The following FBLN2 variants were observed in gnomAD, a reference collection of about 807,000 sequenced individuals.
FBLN2 encodes the protein fibulin 2.
Under a neutral mutation model 123.7 loss-of-function variants are expected in FBLN2, and 81 were observed. That is an observed-to-expected ratio of 0.65 (90% confidence interval 0.55 to 0.79). FBLN2 has a LOEUF of 0.79. Ranked by LOEUF, FBLN2 falls within the 30% of genes least tolerant of loss-of-function variation. The pLI is 0.00. For synonymous variants in FBLN2, 699 were observed against 701.4 expected (o/e 1.00, Z 0.05); for missense variants, 1,603 against 1,681.3 (o/e 0.95, Z 0.81).
rs945916027 is a variant in FBLN2 at position 13,623,542 on chromosome 3, G to A, written c.2296+1627G>A. ...CCCGTCGTGTTAGTACCTGCCGCGC[G>A]TTCTTTCCGTCATTTGTACGTCCAC... On this transcript the variant is annotated intron_variant, in intron 9 of 17. Coordinates refer to ENST00000404922, the MANE Select transcript of FBLN2 (RefSeq NM_001004019.2). 5.3e-5 allele frequency among the ~76,000 whole-genome samples: 8 copies of A among 152,076 alleles called. No individual in the cohort carries two copies. The East Asian group carries it at 1.2e-3, about 22-fold the overall frequency.
At chr3:13,616,958 G>A (rs755591189) in intron 5 of FBLN2, among the ~76,000 whole-genome samples, 2 of 152,178 alleles carry the variant, frequency 1.3e-5, no homozygotes. Flanking sequence ...TGCTGCTAAG[G>A]ATGATCCTCC....
intron 9 of FBLN2, among the ~76,000 whole-genome samples, chr3:13,623,837 C>G (rs1574994151): frequency 6.6e-6 from 1 of 152,168 alleles, no homozygotes. Context: ...ATGAATTAGT[C>G]CATTTAAAGA....
chr3:13,573,123 C>T (rs1379606231), intron 2 of FBLN2, among the ~76,000 whole-genome samples: 2 of 152,162 alleles, frequency 1.3e-5, no homozygotes, highest in African/African-American at 4.8e-5. Context: ...GGGACAGCCC[C>T]GCACCTGGGG....
At chr3:13,558,651 A>G (rs1053292221) in intron 1 of FBLN2, among the ~76,000 whole-genome samples, 6 of 150,782 alleles carry the variant, frequency 4.0e-5, no homozygotes, top group Non-Finnish European at 8.9e-5. Context: ...CCACCCATCC[A>G]TATACCCACA....
intron 2 of FBLN2, among the ~76,000 whole-genome samples, chr3:13,580,617 T>C (rs1704294162): frequency 6.6e-6 from 1 of 152,226 alleles, no homozygotes; most frequent in South Asian, 2.1e-4. Context: ...TTAGTTTGTG[T>C]GTGCGTAGCT....
At chr3:13,577,222 CAAAAAAAAAA>C (rs34445954) in intron 2 of FBLN2, among the ~76,000 whole-genome samples, 1 of 59,936 alleles carries the variant, frequency 1.7e-5, no homozygotes, top group African/African-American at 6.4e-5. Flanking sequence ...GACTCCGTCT[CAAAAAAAAAA>C]AAAAAAAAAG....
At chr3:13,553,698 G>A (rs537869818) in intron 1 of FBLN2, among the ~76,000 whole-genome samples, 1 of 152,356 alleles carries the variant, frequency 6.6e-6, no homozygotes, top group Non-Finnish European at 1.5e-5. Context: ...TTCCTTCCTC[G>A]AGGGTGGGGA....
At chr3:13,561,493 C>G (rs1703605393) in intron 1 of FBLN2, among the ~76,000 whole-genome samples, 1 of 152,198 alleles carries the variant, frequency 6.6e-6, no homozygotes, top group African/African-American at 2.4e-5. Flanking sequence ...TCCTCCTTCC[C>G]TGCATGCCGG....
chr3:13,571,597 T>A lies in FBLN2; in HGVS notation c.1242T>A (p.His414Gln), dbSNP rs770278346. ...CCAGGAAGCCGCAAGTTCTGCCCCA[T>A]TCCCACGTGGAGGAGGACACAGACC... ...EVPRKPQVLP[H>Q]SHVEEDTDPN... is the part of the protein sequence containing the mutation. Residue 414 changes from histidine (H) to glutamine (Q), a missense_variant, in exon 2 of 18, where the codon CAT (histidine) becomes CAA (glutamine). Coordinates refer to ENST00000404922, the MANE Select transcript of FBLN2 (RefSeq NM_001004019.2). 3 of 1,612,958 alleles carry A rather than the reference T, an allele frequency of 1.9e-6. No individual in the cohort carries two copies. Among genetic ancestry groups the A allele is most frequent in the Non-Finnish European group, 2.5e-6 (3 of 1,179,462 alleles).
chr3:13,570,246 C>T (rs971682190), intron 1 of FBLN2, 69 bp from the exon 2 acceptor site: 87 of 1,417,830 alleles, frequency 6.1e-5, no homozygotes, highest in Admixed American at 1.2e-4. Context: ...TGCCCGCGTG[C>T]GTGCCGGTGT....
Position 13,571,270 on chromosome 3 carries a change from T to G in FBLN2, c.915T>G (p.Asp305Glu). 1 of 1,570,294 alleles carries G rather than the reference T, an allele frequency of 6.4e-7. No homozygotes were observed. ...CAGCAGGTGGCCACAGGGGGCTGGA[T>G]GGGCTGCCCACTACAGCCCCAGCTG... is the stretch of plus-strand genomic sequence containing the variant. The part of the protein sequence containing the change: ...QLAAGGHRGL[D>E]GLPTTAPAGP... Residue 305 changes from aspartate (D) to glutamate (E), a missense_variant, in exon 2 of 18, where the codon GAT becomes GAG. By Grantham distance (45) the Asp-to-Glu change is conservative. Transcript: ENST00000404922.
intron 17 of FBLN2, among the ~76,000 whole-genome samples, chr3:13,637,190 T>G (rs568152416): frequency 6.6e-6 from 1 of 151,340 alleles, no homozygotes; most frequent in South Asian, 2.1e-4. Context: ...GGAGGGACAC[T>G]GGGTGCACTG....
chr3:13,563,315 G>A (rs1703660902), intron 1 of FBLN2, among the ~76,000 whole-genome samples: 1 of 152,216 alleles, frequency 6.6e-6, no homozygotes, highest in Admixed American at 6.5e-5. Context: ...GCGGCCACAG[G>A]TGCTGGCTGC....
chr3:13,619,603 C>A, intron 7 of FBLN2, 127 bp from the exon 8 acceptor site: 2 of 720,958 alleles, frequency 2.8e-6, no homozygotes, highest in Non-Finnish European at 4.6e-6. Flanking sequence ...TGTCTCCCAG[C>A]ATCCCTGCCT....
At chr3:13,557,008 C>T (rs1703481645) in intron 1 of FBLN2, among the ~76,000 whole-genome samples, 1 of 152,276 alleles carries the variant, frequency 6.6e-6, no homozygotes, top group Admixed American at 6.5e-5. Flanking sequence ...ATGAGGCCCG[C>T]CACATGGCAG....
chr3:13,626,590 C>T lies in FBLN2; in HGVS notation c.2431+11C>T, dbSNP rs1431699804. 1.3e-6 allele frequency: 2 copies of T among 1,531,618 alleles called. No individual in the cohort carries two copies. The highest frequency in any genetic ancestry group is 1.2e-5 in the South Asian group (1 of 82,470). The allele number at this position is 1,531,618 out of a possible 1,614,324, so 94.9% of individuals were successfully genotyped here. ...ATGGCGAGTGCGAAGGTGAGAAGGG[C>T]CCAGAAGGACCAACTGGAGGCCCCG... On this transcript the variant is annotated intron_variant, in intron 10 of 17. Coordinates refer to ENST00000404922, the MANE Select transcript of FBLN2 (RefSeq NM_001004019.2).
chr3:13,636,646 G>A, intron 17 of FBLN2, 78 bp downstream of exon 17: 4 of 1,518,560 alleles, frequency 2.6e-6, no homozygotes, highest in Non-Finnish European at 3.6e-6. Flanking sequence ...CTGAGAGATG[G>A]GCGCCTGCCT....
At chr3:13,614,220 G>A in intron 5 of FBLN2, 56 bp downstream of exon 5, 1 of 1,541,696 alleles carries the variant, frequency 6.5e-7, no homozygotes, top group Non-Finnish European at 8.8e-7. Flanking sequence ...GTTGACCTCT[G>A]GCCTTCTGTG....
In FBLN2 at chr3:13,592,018, C is replaced by CTT. The variant is rs869103466; in HGVS notation, c.1307-16026_1307-16025dup. Among the ~76,000 whole-genome samples the CTT allele has an allele frequency of 9.5e-4, 125 of 131,992 alleles. 1 individual carries two copies. Among genetic ancestry groups the CTT allele is most frequent in the African/African-American group, 1.2e-3 (42 of 35,494 alleles). The allele number at this position is 131,992 out of a possible 152,430, so 86.6% of individuals were successfully genotyped here. A position where few individuals can be genotyped will look rare whatever the true frequency, so the allele number is the denominator to read the frequency against. On this transcript the variant is annotated intron_variant, in intron 2 of 17. Coordinates refer to ENST00000404922, the MANE Select transcript of FBLN2 (RefSeq NM_001004019.2). ...ATGGTCTGTTTCTGGCCTCTCTTTT[C>CTT]TTTTTTTTTTTTTTTTTTTATTTTG... is the stretch of plus-strand genomic sequence containing the variant.
Sources: allele counts gnomAD v4.1 joint callset (sites outside exome capture counted in the v4.1 genomes callset), GRCh38; gene constraint gnomAD v4.1.1; transcripts MANE v1.5; gene names NCBI Gene and HGNC (gene_info 2026-07-23, HGNC 2026-07-21).